The following GRIK4 variants were observed in gnomAD, a reference collection of about 807,000 sequenced individuals.
The protein encoded by GRIK4 is glutamate ionotropic receptor kainate type subunit 4.
In GRIK4, 40 loss-of-function variants were observed where a neutral mutation model predicts 104.9. That is an observed-to-expected ratio of 0.38 (90% CI 0.30 to 0.50). The LOEUF (loss-of-function observed/expected upper bound fraction) is 0.50. Ranked by LOEUF, GRIK4 falls within the 20% of genes least tolerant of loss-of-function variation. The pLI is 0.93. For missense variants in GRIK4, 1,047 were observed against 1,308.1 expected (o/e 0.80, Z 3.08); for synonymous variants, 485 against 524.9 (o/e 0.92, Z 1.04).
At chr11:120,900,693 G>A (rs1942709484) in intron 12 of GRIK4, among the ~76,000 whole-genome samples, 1 of 152,126 alleles carries the variant, frequency 6.6e-6, no homozygotes, top group African/African-American at 2.4e-5. Flanking sequence ...GAGACCTGGT[G>A]GAGGTGAGGA....
chr11:120,883,240 A>G (rs1327515621), intron 11 of GRIK4, among the ~76,000 whole-genome samples: 1 of 152,186 alleles, frequency 6.6e-6, no homozygotes, highest in Non-Finnish European at 1.5e-5. Flanking sequence ...AGGAGCTCAT[A>G]GCCAACAGGG....
chr11:120,542,414 A>T (rs1948046664), intron 1 of GRIK4, among the ~76,000 whole-genome samples: 1 of 152,214 alleles, frequency 6.6e-6, no homozygotes, highest in Non-Finnish European at 1.5e-5. Context: ...TTTGGGTATG[A>T]TGCCAAAAGC....
chr11:120,530,451 C>T (rs894607590), intron 1 of GRIK4, among the ~76,000 whole-genome samples: 7 of 152,052 alleles, frequency 4.6e-5, no homozygotes, highest in African/African-American at 1.2e-4. Context: ...TTTGGTGAGT[C>T]GTTAGTCTGC....
At chr11:120,740,794 A>G (rs577443607) in intron 3 of GRIK4, among the ~76,000 whole-genome samples, 4 of 152,288 alleles carry the variant, frequency 2.6e-5, no homozygotes, top group Admixed American at 1.3e-4. Flanking sequence ...GTAAAGTACA[A>G]TGGCCTCTCC....
Position 120,986,055 on chromosome 11 carries a change from A to G in GRIK4, c.2666A>G (p.Asn889Ser), listed in dbSNP as rs1436309594. 1 of 1,522,282 alleles carries G rather than the reference A, an allele frequency of 6.6e-7. No individual in the cohort carries two copies. Among genetic ancestry groups the G allele is most frequent in the South Asian group, 1.2e-5 (1 of 81,678 alleles). 94.3% of individuals were successfully genotyped at this position (1,522,282 alleles called of 1,614,324 possible). A position where few individuals can be genotyped will look rare whatever the true frequency, so the allele number is the denominator to read the frequency against. The change falls in exon 21 of 21, where the codon AAC (asparagine) becomes AGC (serine). Residue 889 changes from asparagine to serine, a missense_variant. Asn to Ser is a conservative substitution (Grantham distance 46). Around this residue, in one of 3 missense-constraint regions of GRIK4, gnomAD observed 160 missense variants for 140.9 expected, o/e 1.14. Coordinates refer to ENST00000527524, the MANE Select transcript of GRIK4 (RefSeq NM_014619.5). ...RRPRGTATLS[N>S]GKLCGAGEPD... ...CCGCGGGGCACGGCGACGCTCAGCAACGGGAAGCTGTGCGGGGCAGGGGAG... is the reference window on the plus strand; with the variant it reads ...CCGCGGGGCACGGCGACGCTCAGCAGCGGGAAGCTGTGCGGGGCAGGGGAG...
chr11:120,922,704 C>T (rs1943250696), intron 13 of GRIK4, among the ~76,000 whole-genome samples: 3 of 152,218 alleles, frequency 2.0e-5, no homozygotes, highest in Admixed American at 6.5e-5. Flanking sequence ...CATTTGTCAG[C>T]GTGAGAGCCA....
chr11:120,965,524 T>C (rs1294042950), intron 18 of GRIK4, among the ~76,000 whole-genome samples: 1 of 152,010 alleles, frequency 6.6e-6, no homozygotes, highest in Non-Finnish European at 1.5e-5. Flanking sequence ...AGATGTGTAA[T>C]AAGTACTTAC....
chr11:120,670,406 C>T (rs1271417642), intron 3 of GRIK4, among the ~76,000 whole-genome samples: 8 of 152,338 alleles, frequency 5.3e-5, no homozygotes, highest in South Asian at 2.1e-4. Flanking sequence ...GCCCACAGGG[C>T]GGTCCATGAA....
At chr11:120,970,576 T>C (rs1944458381) in intron 19 of GRIK4, among the ~76,000 whole-genome samples, 1 of 152,116 alleles carries the variant, frequency 6.6e-6, no homozygotes, top group African/African-American at 2.4e-5. Context: ...GTGTACTTAG[T>C]CATGTGTATT....
chr11:120,883,533 G>A (rs942412190), intron 11 of GRIK4, among the ~76,000 whole-genome samples: 1 of 152,204 alleles, frequency 6.6e-6, no homozygotes, highest in African/African-American at 2.4e-5. Flanking sequence ...CGGTCAAGGG[G>A]CAGATGAGCT....
At chr11:120,707,210 G>A (rs1464693968) in intron 3 of GRIK4, among the ~76,000 whole-genome samples, 1 of 152,224 alleles carries the variant, frequency 6.6e-6, no homozygotes, top group Non-Finnish European at 1.5e-5. Flanking sequence ...CCATGGAAGG[G>A]AGGCTAAGTA....
intron 3 of GRIK4, among the ~76,000 whole-genome samples, chr11:120,798,725 G>A (rs1364424369): frequency 3.9e-5 from 6 of 152,030 alleles, no homozygotes; most frequent in Non-Finnish European, 8.8e-5. Context: ...CAAGTGATCC[G>A]CCCGCCTCGG....
intron 3 of GRIK4, among the ~76,000 whole-genome samples, chr11:120,742,689 T>G (rs895972801): frequency 2.6e-5 from 4 of 152,138 alleles, no homozygotes; most frequent in Non-Finnish European, 4.4e-5. Context: ...GTTCAACCAT[T>G]GTGGAAAGCA....
chr11:120,874,677 A>G (rs542992165), intron 10 of GRIK4, among the ~76,000 whole-genome samples: 113 of 152,068 alleles, frequency 7.4e-4, no homozygotes, highest in African/African-American at 2.7e-3. Context: ...GAGGATCTCT[A>G]CCCTACACAG....
At chr11:120,602,747 G>T (rs903624682) in intron 1 of GRIK4, among the ~76,000 whole-genome samples, 1 of 152,186 alleles carries the variant, frequency 6.6e-6, no homozygotes, top group African/African-American at 2.4e-5. Context: ...CTGTCGTCCA[G>T]GCTGGAGTGC....
At chr11:120,829,975 A>G (rs1225396376) in intron 6 of GRIK4, among the ~76,000 whole-genome samples, 1 of 152,144 alleles carries the variant, frequency 6.6e-6, no homozygotes, top group Non-Finnish European at 1.5e-5. Context: ...AAAGGCCAGC[A>G]TTGTGGTTTG....
At chr11:120,605,873 G>A (rs1342325459) in intron 1 of GRIK4, among the ~76,000 whole-genome samples, 1 of 152,234 alleles carries the variant, frequency 6.6e-6, no homozygotes, top group Non-Finnish European at 1.5e-5. Flanking sequence ...AAGTTCTTTA[G>A]TTGTGCCAGG....
intron 1 of GRIK4, among the ~76,000 whole-genome samples, chr11:120,568,376 A>ATTCTT (rs778682262): frequency 3.9e-4 from 57 of 145,860 alleles, no homozygotes; most frequent in South Asian, 4.2e-4. Flanking sequence ...CTTTCCAGGC[A>ATTCTT]TTCTTTTCTT....
intron 1 of GRIK4, among the ~76,000 whole-genome samples, chr11:120,525,969 C>A (rs1169978278): frequency 6.6e-6 from 1 of 152,126 alleles, no homozygotes; most frequent in Non-Finnish European, 1.5e-5. Flanking sequence ...AAATAAGATA[C>A]CACCTGTGAA....
Sources: gnomAD v4.1 joint callset for allele counts (sites outside exome capture counted in the v4.1 genomes callset) on GRCh38, gnomAD v4.1.1 for gene constraint, gnomAD v4.1.1 regional missense constraint, MANE v1.5 for transcripts, NCBI Gene and HGNC (gene_info 2026-07-23, HGNC 2026-07-21) for gene names.